Variants in CDCA7L observed in about 807,000 individuals in gnomAD.
CDCA7L encodes the protein cell division cycle associated 7 like, also known as cell division cycle-associated 7-like protein.
A neutral mutation model predicts 57.4 loss-of-function variants in CDCA7L; 44 were observed. That is an observed-to-expected ratio of 0.77 (90% CI 0.60 to 0.98). CDCA7L has a LOEUF of 0.98. Ranked by LOEUF, CDCA7L falls within the 50% of genes least tolerant of loss-of-function variation. The pLI, the probability that CDCA7L is intolerant of heterozygous loss-of-function variation, is 0.00. For synonymous variants in CDCA7L, 236 were observed against 202.8 expected, an observed-to-expected ratio of 1.16 and a Z score of -1.39; for missense variants, 644 against 580.6, an observed-to-expected ratio of 1.11 and a Z score of -1.12.
At position 21,936,606 on chromosome 7, in the gene CDCA7L, C is replaced by G. The variant is rs112690937; in HGVS notation, c.24+9175G>C. 1.7e-3 allele frequency among the ~76,000 whole-genome samples: 258 copies of G among 151,034 alleles called. 2 individuals carry two copies. The highest frequency in any genetic ancestry group is 6.1e-3 in the African/African-American group (250 of 41,140). On this transcript the variant is annotated intron_variant, in intron 1 of 9. Transcript: ENST00000406877. ...TCAACTGATGCAGAAAAACATCTGA[C>G]AAAATTCAACACCCTTCCCTCATCA...
intron 1 of CDCA7L, among the ~76,000 whole-genome samples, chr7:21,930,120 C>T (rs966711649): frequency 1.9e-5 from 2 of 103,804 alleles, no homozygotes; most frequent in Admixed American, 2.1e-4. Context: ...CAAACAGTCT[C>T]TCAGACCAAG....
At chr7:21,934,899 G>C (rs1022910523) in intron 1 of CDCA7L, among the ~76,000 whole-genome samples, 4 of 152,128 alleles carry the variant, frequency 2.6e-5, no homozygotes, top group Admixed American at 6.6e-5. Flanking sequence ...AAACATCAAA[G>C]ATCCCAAATA....
chr7:21,908,568 T>A (rs1231131188), intron 3 of CDCA7L, 61 bp from the exon 4 acceptor site: 10 of 1,397,122 alleles, frequency 7.2e-6, no homozygotes, highest in Non-Finnish European at 9.4e-6. Context: ...AAAAAAGACA[T>A]GCATTTAAAA....
rs763607391 is a variant in CDCA7L at position 21,908,114 on chromosome 7, C to T, written c.681+16G>A. The T allele has an allele frequency of 6.6e-6, 10 of 1,503,890 alleles. No homozygotes were observed. The South Asian group carries it at 6.8e-5, about 10-fold the overall frequency. 93.2% of individuals were successfully genotyped at this position (1,503,890 alleles called of 1,614,324 possible). On this transcript the variant is annotated intron_variant, in intron 4 of 9. Transcript: ENST00000406877. ...GCCTGGTGCCAACTCCCAGGACGCC[C>T]TCCGTGAAGCCTCACCATGGCTTTG...
intron 7 of CDCA7L, among the ~76,000 whole-genome samples, chr7:21,904,692 A>T (rs1340196023): frequency 1.3e-5 from 2 of 152,120 alleles, no homozygotes; most frequent in African/African-American, 4.8e-5. Flanking sequence ...CTGCCCCCCA[A>T]ATCCATGGAA....
rs1785338906 is a variant in CDCA7L at position 21,911,834 on chromosome 7, A to AAC, written c.166-82_166-81dup. 4 of 1,370,552 alleles carry AAC rather than the reference A, an allele frequency of 2.9e-6. No individual in the cohort carries two copies. The Admixed American group carries it at 8.6e-5, about 29-fold the overall frequency. 84.9% of individuals were successfully genotyped at this position (1,370,552 alleles called of 1,614,324 possible). ...GGAAGGGTAGAATGAGGAGCTACTG[A>AAC]ACGGGTACAGAGCTTCTGATGGAGA... is the stretch of plus-strand genomic sequence containing the variant. On this transcript the variant is annotated intron_variant, in intron 2 of 9. Coordinates refer to ENST00000406877, the MANE Select transcript of CDCA7L (RefSeq NM_018719.5).
At chr7:21,935,849 A>C (rs1018439756) in intron 1 of CDCA7L, among the ~76,000 whole-genome samples, 9 of 152,082 alleles carry the variant, frequency 5.9e-5, no homozygotes, top group Admixed American at 2.0e-4. Context: ...TCTACTAAAA[A>C]TGCAAAAAAA....
Position 21,900,911 on chromosome 7 carries a change from A to T in CDCA7L, c.*1411T>A. 2 of 1,474,392 alleles carry T rather than the reference A, an allele frequency of 1.4e-6. No homozygotes were observed. The highest frequency in any genetic ancestry group is 1.8e-6 in the Non-Finnish European group (2 of 1,113,576). The allele number at this position is 1,474,392 out of a possible 1,614,324, so 91.3% of individuals were successfully genotyped here. ...TGACAAGCAAAAATATGACAAAACC[A>T]GAATGTTGAATGTTTATTGCATCAA... On this transcript the variant is annotated 3_prime_UTR_variant, in exon 10 of 10. Transcript: ENST00000406877.
At chr7:21,908,020 C>G in intron 4 of CDCA7L, 110 bp downstream of exon 4, 2 of 1,230,604 alleles carry the variant, frequency 1.6e-6, no homozygotes, top group South Asian at 3.3e-5. Context: ...ATTTTCTTGA[C>G]AGAAGCCAAA....
intron 3 of CDCA7L, among the ~76,000 whole-genome samples, chr7:21,910,776 G>C (rs1269497053): frequency 6.6e-6 from 1 of 152,118 alleles, no homozygotes; most frequent in Non-Finnish European, 1.5e-5. Flanking sequence ...GCTGAGAGTA[G>C]ACTTCCCTCC....
At chr7:21,937,054 A>G (rs1786189829) in intron 1 of CDCA7L, among the ~76,000 whole-genome samples, 1 of 152,234 alleles carries the variant, frequency 6.6e-6, no homozygotes, top group South Asian at 2.1e-4. Flanking sequence ...TTACAATGGC[A>G]TCAGAATAAT....
chr7:21,926,189 C>G (rs1421934526), intron 1 of CDCA7L, among the ~76,000 whole-genome samples: 3 of 152,096 alleles, frequency 2.0e-5, no homozygotes, highest in Admixed American at 2.0e-4. Flanking sequence ...AGAAAACGAT[C>G]TGTTTTTCTA....
At chr7:21,916,514 TA>T (rs71557529) in intron 2 of CDCA7L, among the ~76,000 whole-genome samples, 2,121 of 105,040 alleles carry the variant, frequency 0.02, 25 homozygotes, top group East Asian at 0.063. Flanking sequence ...TCCCTTTATT[TA>T]AAAAAAAAAA....
At position 21,911,634 on chromosome 7, in the gene CDCA7L, T is replaced by C; in HGVS notation, c.286A>G (p.Thr96Ala). The C allele has an allele frequency of 6.2e-7, 1 of 1,612,994 alleles. No homozygotes were observed. The highest frequency in any genetic ancestry group is 8.5e-7 in the Non-Finnish European group (1 of 1,179,772). Residue 96 changes from threonine to alanine, a missense_variant, in exon 3 of 10, where the codon ACT becomes GCT. Transcript: ENST00000406877. ...ATTATTACCATTACTTCTGGGTTAG[T>C]CTTTCCATTCAGATCACTCTGCGTA... ...GFTQSDLNGK[T>A]NPEVMVVESD...
chr7:21,937,184 G>C (rs1786197015), intron 1 of CDCA7L, among the ~76,000 whole-genome samples: 1 of 152,176 alleles, frequency 6.6e-6, no homozygotes, highest in African/African-American at 2.4e-5. Context: ...TTCATGGATT[G>C]GAAGGCTTAA....
At chr7:21,923,361 C>T (rs958684423) in intron 1 of CDCA7L, among the ~76,000 whole-genome samples, 5 of 151,962 alleles carry the variant, frequency 3.3e-5, no homozygotes, top group African/African-American at 9.7e-5. Flanking sequence ...GTTGTGGTGG[C>T]GTGTGCCTGT....
intron 2 of CDCA7L, among the ~76,000 whole-genome samples, chr7:21,916,529 A>G (rs1785486392): frequency 6.6e-6 from 1 of 151,886 alleles, no homozygotes; most frequent in Non-Finnish European, 1.5e-5. Context: ...AAAAAAAAAA[A>G]AAAAAAAAAG....
chr7:21,917,453 G>T (rs4398800), intron 1 of CDCA7L, among the ~76,000 whole-genome samples: 1 of 151,972 alleles, frequency 6.6e-6, no homozygotes, highest in Non-Finnish European at 1.5e-5. Flanking sequence ...GCTATTAGGG[G>T]ATAATTGATC....
intron 1 of CDCA7L, among the ~76,000 whole-genome samples, chr7:21,936,546 T>A (rs910979599): frequency 6.6e-6 from 1 of 151,704 alleles, no homozygotes; most frequent in Non-Finnish European, 1.5e-5. Context: ...TAGTACACCC[T>A]ATGAACAGAA....
Sources: gnomAD v4.1 joint callset for allele counts (sites outside exome capture counted in the v4.1 genomes callset) on GRCh38, gnomAD v4.1.1 for gene constraint, MANE v1.5 for transcripts, NCBI Gene and HGNC (gene_info 2026-07-23, HGNC 2026-07-21) for gene names.